Variants in CAPN9 observed in about 807,000 individuals in gnomAD.
The protein encoded by CAPN9 is calpain 9, also known as calpain-9.
In CAPN9, 81 loss-of-function variants were observed where a neutral mutation model predicts 92.8. The observed-to-expected ratio is 0.87, with a 90% CI of 0.73 to 1.05. CAPN9 has a LOEUF of 1.05. Ranked by LOEUF, CAPN9 falls within the 50% of genes least tolerant of loss-of-function variation. The pLI, the probability that CAPN9 is intolerant of heterozygous loss-of-function variation, is 0.00. For synonymous variants in CAPN9, 304 were observed against 328.0 expected, an observed-to-expected ratio of 0.93 and a Z score of 0.79; for missense variants, 848 against 866.2, an observed-to-expected ratio of 0.98 and a Z score of 0.26.
chr1:230,759,963 A>G (rs1472806913), intron 3 of CAPN9, among the ~76,000 whole-genome samples: 1 of 152,262 alleles, frequency 6.6e-6, no homozygotes, highest in Non-Finnish European at 1.5e-5. Flanking sequence ...TTATACCTCC[A>G]GGAAACTGGT....
chr1:230,775,888 G>A (rs986787273), intron 8 of CAPN9, among the ~76,000 whole-genome samples: 1 of 145,552 alleles, frequency 6.9e-6, no homozygotes, highest in African/African-American at 2.6e-5. Flanking sequence ...CTGCACTCTA[G>A]CCTGGACAAC....
rs1668733801 is a variant in CAPN9 at position 230,801,643 on chromosome 1, G to A, written c.*47G>A. 1 of 1,585,556 alleles carries A rather than the reference G, an allele frequency of 6.3e-7. No homozygotes were observed. The highest frequency in any genetic ancestry group is 1.3e-5 in the African/African-American group (1 of 74,428). ...CCTGCCCAGCTGAATCTTGGCTTCT[G>A]GACCTTGACCTTCAGAACTTCTCTT... On this transcript the variant is annotated 3_prime_UTR_variant, in exon 20 of 20. Coordinates refer to ENST00000271971, the MANE Select transcript of CAPN9 (RefSeq NM_006615.3).
chr1:230,784,785 C>T (rs1425479440), intron 11 of CAPN9, among the ~76,000 whole-genome samples: 1 of 152,254 alleles, frequency 6.6e-6, no homozygotes, highest in African/African-American at 2.4e-5. Flanking sequence ...GGTTCAAGGT[C>T]TCGCACAGAG....
In CAPN9 at chr1:230,769,283, A is replaced by C. The variant is rs774465120; in HGVS notation, c.789+20A>C. On this transcript the variant is annotated intron_variant, in intron 6 of 19. Transcript: ENST00000271971. ...GACCAGGTAGGCGACTTGAACTCCA[A>C]CTGCAGGCTATGGGGAGACATGTGA... 3.2e-6 allele frequency: 5 copies of C among 1,557,328 alleles called. No individual in the cohort carries two copies. The African/African-American group carries it at 4.1e-5, about 13-fold the overall frequency.
chr1:230,768,464 A>G (rs1205603148), intron 5 of CAPN9, among the ~76,000 whole-genome samples: 1 of 151,794 alleles, frequency 6.6e-6, no homozygotes, highest in Non-Finnish European at 1.5e-5. Context: ...AAACAGGCAC[A>G]CACTTCCACA....
At chr1:230,752,309 C>T (rs1664896787) in intron 1 of CAPN9, among the ~76,000 whole-genome samples, 1 of 152,146 alleles carries the variant, frequency 6.6e-6, no homozygotes, top group South Asian at 2.1e-4. Context: ...GTGACTGGCA[C>T]GTGTGCACAC....
At chr1:230,786,197 C>G (rs1381426205) in intron 12 of CAPN9, 180 bp downstream of exon 12, 2 of 984,712 alleles carry the variant, frequency 2.0e-6, no homozygotes, top group African/African-American at 1.7e-5. Flanking sequence ...CTGTGCTCTT[C>G]TAGTCCACAA....
At chr1:230,759,255 A>G (rs1303164310) in intron 2 of CAPN9, among the ~76,000 whole-genome samples, 1 of 152,192 alleles carries the variant, frequency 6.6e-6, no homozygotes, top group Admixed American at 6.5e-5. Flanking sequence ...AGGCAGCCAT[A>G]TGTCTGAAAC....
At position 230,801,650 on chromosome 1, in the gene CAPN9, G is replaced by A; in HGVS notation, c.*54G>A. 6.5e-7 allele frequency: 1 copy of A among 1,544,658 alleles called. No individual in the cohort carries two copies. Among genetic ancestry groups the A allele is most frequent in the South Asian group, 1.1e-5 (1 of 89,614 alleles). ...AGCTGAATCTTGGCTTCTGGACCTT[G>A]ACCTTCAGAACTTCTCTTGGTGTGG... On this transcript the variant is annotated 3_prime_UTR_variant, in exon 20 of 20. Transcript: ENST00000271971.
chr1:230,786,238 G>T (rs1412787380), intron 12 of CAPN9: 18 of 878,904 alleles, frequency 2.0e-5, no homozygotes, highest in Non-Finnish European at 2.3e-5. Context: ...GTGGGTGCTT[G>T]GTATAAAGTT....
chr1:230,768,854 G>C (rs930181552), intron 5 of CAPN9, among the ~76,000 whole-genome samples: 2 of 152,096 alleles, frequency 1.3e-5, no homozygotes, highest in African/African-American at 4.8e-5. Flanking sequence ...TTTCGTCTCT[G>C]GGATGTATGT....
chr1:230,751,655 G>GAA (rs1207061327), intron 1 of CAPN9, among the ~76,000 whole-genome samples: 1 of 89,512 alleles, frequency 1.1e-5, no homozygotes, highest in African/African-American at 5.2e-5. Flanking sequence ...AAGAAAGAAA[G>GAA]AAAGAAAGAA....
chr1:230,797,973 TC>T (rs1668459020), intron 18 of CAPN9, among the ~76,000 whole-genome samples, 188 bp from the exon 19 acceptor site: 1 of 152,136 alleles, frequency 6.6e-6, no homozygotes, highest in Non-Finnish European at 1.5e-5. Flanking sequence ...CTCCATCCGT[TC>T]AGAGAAGTTC....
At position 230,784,069 on chromosome 1, in the gene CAPN9, C is replaced by G. The variant is rs187764549; in HGVS notation, c.1482-1912C>G. 6.6e-4 allele frequency among the ~76,000 whole-genome samples: 101 copies of G among 152,284 alleles called. 1 individual carries two copies. Among genetic ancestry groups the G allele is most frequent in the Admixed American group, 1.1e-3 (17 of 15,304 alleles). ...ACGTCATAGTGATGATTTAGGGTATCTGGAAGAAGAAATTTCTAAGCAGCA... is the reference window on the plus strand; with the variant it reads ...ACGTCATAGTGATGATTTAGGGTATGTGGAAGAAGAAATTTCTAAGCAGCA... On this transcript the variant is annotated intron_variant, in intron 11 of 19. Transcript: ENST00000271971.
chr1:230,793,108 T>G (rs983191732), intron 17 of CAPN9, among the ~76,000 whole-genome samples, 180 bp downstream of exon 17: 1 of 152,200 alleles, frequency 6.6e-6, no homozygotes, highest in Admixed American at 6.5e-5. Flanking sequence ...CAGGACTCAC[T>G]TCCTGACACC....
intron 1 of CAPN9, among the ~76,000 whole-genome samples, chr1:230,750,662 G>A (rs1345020446): frequency 2.6e-5 from 4 of 152,172 alleles, no homozygotes; most frequent in African/African-American, 9.7e-5. Flanking sequence ...TCAGCAGCCC[G>A]TGGGACCGTG....
chr1:230,770,106 CGATTTATTGTA>C (rs1572041196), intron 6 of CAPN9, among the ~76,000 whole-genome samples: 1 of 152,096 alleles, frequency 6.6e-6, no homozygotes, highest in East Asian at 1.9e-4. Context: ...ACCTGTAATA[CGATTTATTGTA>C]AGGCATTGGC....
chr1:230,768,288 C>G (rs1278230351), intron 5 of CAPN9, among the ~76,000 whole-genome samples: 2 of 151,966 alleles, frequency 1.3e-5, no homozygotes, highest in African/African-American at 4.8e-5. Context: ...CGTCAAATAA[C>G]AAAGGTAAGA....
rs141236501 is a variant in CAPN9, at chr1:230,792,882, C to G, written c.1824C>G (p.Ser608=). The change falls in exon 17 of 20, where the codon TCC becomes TCG. Residue 608 remains serine (S), a synonymous_variant. Transcript: ENST00000271971. ...TCCTTCGGTTTGATGCTGACAAGTC[C>G]GGCACCATGTCTACCTATGAACTAC... ...NLFLRFDADK[S]GTMSTYELRT... 6.4e-5 allele frequency: 103 copies of G among 1,614,070 alleles called. No homozygotes were observed. The East Asian group carries it at 2.2e-3, about 35-fold the overall frequency.
Sources: allele counts gnomAD v4.1 joint callset (sites outside exome capture counted in the v4.1 genomes callset), GRCh38; gene constraint gnomAD v4.1.1; transcripts MANE v1.5; gene names NCBI Gene and HGNC (gene_info 2026-07-23, HGNC 2026-07-21).